Variants in SNX9 observed in about 807,000 individuals in gnomAD.
SNX9 encodes the protein sorting nexin-9.
Under a neutral mutation model 89.4 loss-of-function variants are expected in SNX9, and 44 were observed. The ratio of observed to expected loss-of-function variants is 0.49; its 90% CI spans 0.39 to 0.63. SNX9 has a LOEUF of 0.63. SNX9 is among the 30% of genes least tolerant of loss of function. The pLI, the probability that SNX9 is intolerant of heterozygous loss-of-function variation, is 0.00. For missense variants in SNX9, 578 were observed against 736.1 expected, an observed-to-expected ratio of 0.79 and a Z score of 2.49; for synonymous variants, 236 against 247.8, an observed-to-expected ratio of 0.95 and a Z score of 0.45.
In SNX9 at chr6:157,943,184, A is replaced by G. The variant is rs1784078267; in HGVS notation, c.*346A>G. ...ATGTCTTATAAATTATAAGTCTTAT[A>G]TAATTTATAAGTCTCCCACAATCTT... is the stretch of plus-strand genomic sequence containing the variant. On this transcript the variant is annotated 3_prime_UTR_variant, in exon 18 of 18. Transcript: ENST00000392185. 4.0e-5 allele frequency: 7 copies of G among 176,744 alleles called. No homozygotes were observed. In the South Asian group the frequency reaches 1.3e-3, roughly 33 times the overall value. The allele number at this position is 176,744 out of a possible 1,614,324, so 10.9% of individuals were successfully genotyped here.
At chr6:157,844,600 G>GTTTTGTTTTTTTTTTTTTT (rs1781767520) in intron 1 of SNX9, among the ~76,000 whole-genome samples, 1 of 131,806 alleles carries the variant, frequency 7.6e-6, no homozygotes, top group African/African-American at 2.8e-5. Flanking sequence ...TTTTTTTTTT[G>GTTTTGTTTTTTTTTTTTTT]TTTTTTTTTT....
chr6:157,939,144 G>GAA (rs138711054), intron 16 of SNX9, among the ~76,000 whole-genome samples: 1 of 148,104 alleles, frequency 6.8e-6, no homozygotes, highest in East Asian at 2.0e-4. Flanking sequence ...TTTGTGTCAA[G>GAA]AAAAAAAAAA....
intron 1 of SNX9, among the ~76,000 whole-genome samples, chr6:157,834,416 A>G (rs1376098770): frequency 1.3e-5 from 2 of 150,418 alleles, no homozygotes; most frequent in African/African-American, 4.9e-5. Flanking sequence ...GCATGATAAT[A>G]ACTCACTGCA....
intron 4 of SNX9, among the ~76,000 whole-genome samples, chr6:157,894,078 C>T (rs1264113171): frequency 1.5e-5 from 2 of 137,016 alleles, no homozygotes; most frequent in Non-Finnish European, 3.2e-5. Flanking sequence ...ATCCCTGTAT[C>T]ATTTCTTTTT....
chr6:157,914,697 C>T (rs1247790223), intron 9 of SNX9, among the ~76,000 whole-genome samples: 3 of 151,916 alleles, frequency 2.0e-5, no homozygotes, highest in East Asian at 1.9e-4. Context: ...AGGCTGGTCT[C>T]GAAGTCCTGA....
At chr6:157,862,916 TA>T (rs1782173562) in intron 1 of SNX9, among the ~76,000 whole-genome samples, 1 of 152,246 alleles carries the variant, frequency 6.6e-6, no homozygotes, top group Non-Finnish European at 1.5e-5. Context: ...ACTGACAGTT[TA>T]ATAAGCTCAT....
Position 157,901,900 on chromosome 6 carries a change from A to G in SNX9, c.475A>G (p.Thr159Ala). 6.2e-7 allele frequency: 1 copy of G among 1,600,932 alleles called. No individual in the cohort carries two copies. The highest frequency in any genetic ancestry group is 2.3e-5 in the East Asian group (1 of 44,436). The change falls in exon 6 of 18, where the codon ACT becomes GCT. Residue 159 changes from threonine (T) to alanine (A), a missense_variant and splice_region_variant. By Grantham distance (58) the Thr-to-Ala change is moderately conservative. Transcript: ENST00000392185. ...GHPQAYQGPATGDDDDWDEDW... is the reference protein window; with the variant it reads ...GHPQAYQGPAAGDDDDWDEDW... ...TGATCTTCCATTTTCACCTCTAGCA[A>G]CTGGTGATGATGATGACTGGGATGA...
rs748110242 is a variant in SNX9 at position 157,932,196 on chromosome 6, A to G, written c.1290A>G (p.Pro430=). Residue 430 remains proline (P), a splice_region_variant and synonymous_variant, in exon 13 of 18, where the codon CCA becomes CCG. Transcript: ENST00000392185. ...CGTTTATTCCTTTTTGTCTTTCAGC[A>G]TTACCCAAGGAATATCAGAAGATAG... ...GQEHWKRCTG[P]LPKEYQKIGK... is the part of the protein sequence containing the mutation. 1.4e-5 allele frequency: 23 copies of G among 1,613,970 alleles called. No homozygotes were observed. In the African/African-American group the frequency reaches 2.0e-4, roughly 14 times the overall value.
chr6:157,931,378 C>G (rs570862016), intron 12 of SNX9, among the ~76,000 whole-genome samples: 2 of 152,198 alleles, frequency 1.3e-5, no homozygotes, highest in Non-Finnish European at 2.9e-5. Flanking sequence ...TAAAAGTTTT[C>G]TTTTTCTCCT....
In SNX9 at chr6:157,932,254, A is replaced by G. The variant is rs753140572; in HGVS notation, c.1348A>G (p.Ser450Gly). Residue 450 changes from serine (S) to glycine (G), a missense_variant, in exon 13 of 18, where the codon AGT (serine) becomes GGT (glycine). Transcript: ENST00000392185. ...KALQSLATVF[S>G]SSGYQGETDL... Reference sequence around the variant, plus strand: ...CTTGCAGAGTTTGGCCACAGTGTTCAGTTCCAGTGGCTATCAAGGTGCGTC... The same window carrying G: ...CTTGCAGAGTTTGGCCACAGTGTTCGGTTCCAGTGGCTATCAAGGTGCGTC... 2 of 1,614,082 alleles carry G rather than the reference A, an allele frequency of 1.2e-6. No individual in the cohort carries two copies. Among genetic ancestry groups the G allele is most frequent in the Non-Finnish European group, 1.7e-6 (2 of 1,180,036 alleles).
At chr6:157,912,181 A>G (rs777166053) in intron 9 of SNX9, among the ~76,000 whole-genome samples, 12 of 152,216 alleles carry the variant, frequency 7.9e-5, no homozygotes, top group African/African-American at 2.9e-4. Flanking sequence ...TGAAAACTTC[A>G]GTTCTGCCAT....
At chr6:157,912,108 C>T (rs904715856) in intron 9 of SNX9, among the ~76,000 whole-genome samples, 5 of 152,166 alleles carry the variant, frequency 3.3e-5, no homozygotes, top group African/African-American at 1.2e-4. Flanking sequence ...CCTGTACCTC[C>T]TTTTTGTCAT....
At position 157,867,596 on chromosome 6, in the gene SNX9, C is replaced by G; in HGVS notation, c.62C>G (p.Thr21Arg). The G allele has an allele frequency of 6.2e-7, 1 of 1,612,092 alleles. No individual in the cohort carries two copies. Among genetic ancestry groups the G allele is most frequent in the Non-Finnish European group, 8.5e-7 (1 of 1,178,690 alleles). ...FAAEPGNNELTVNEGEIITIT... is the reference protein window; with the variant it reads ...FAAEPGNNELRVNEGEIITIT... ...GCTGAACCTGGAAATAATGAACTGACGGTTAATGAAGGAGAAATCATCACA... is the reference window on the plus strand; with the variant it reads ...GCTGAACCTGGAAATAATGAACTGAGGGTTAATGAAGGAGAAATCATCACA... The change falls in exon 2 of 18, where the codon ACG (threonine) becomes AGG (arginine). Residue 21 changes from threonine to arginine, a missense_variant. Thr to Arg is a moderately conservative substitution (Grantham distance 71). Transcript: ENST00000392185.
At chr6:157,857,237 C>T (rs1281248338) in intron 1 of SNX9, among the ~76,000 whole-genome samples, 1 of 152,136 alleles carries the variant, frequency 6.6e-6, no homozygotes, top group Non-Finnish European at 1.5e-5. Flanking sequence ...CAGGTTGGTA[C>T]CTGTGTCTTT....
At chr6:157,854,103 G>T (rs1781965016) in intron 1 of SNX9, among the ~76,000 whole-genome samples, 1 of 152,244 alleles carries the variant, frequency 6.6e-6, no homozygotes, top group Admixed American at 6.5e-5. Context: ...GGGTGTGGGA[G>T]ATGGGTACTC....
chr6:157,849,067 C>T (rs1392993954), intron 1 of SNX9, among the ~76,000 whole-genome samples: 2 of 152,178 alleles, frequency 1.3e-5, no homozygotes, highest in African/African-American at 2.4e-5. Flanking sequence ...AGCTGTGATG[C>T]ACCACTGCAC....
At chr6:157,932,463 T>C (rs1783831146) in intron 13 of SNX9, among the ~76,000 whole-genome samples, 191 bp downstream of exon 13, 1 of 152,204 alleles carries the variant, frequency 6.6e-6, no homozygotes, top group African/African-American at 2.4e-5. Context: ...CCAAAGGTGG[T>C]TATAATTTGT....
At chr6:157,888,719 CT>C (rs1583218449) in intron 4 of SNX9, among the ~76,000 whole-genome samples, 2 of 152,236 alleles carry the variant, frequency 1.3e-5, no homozygotes, top group South Asian at 4.2e-4. Context: ...TAAAAGTCAT[CT>C]TTTTTTCCCA....
intron 4 of SNX9, among the ~76,000 whole-genome samples, chr6:157,896,427 A>T (rs1344100722): frequency 1.3e-5 from 2 of 152,244 alleles, no homozygotes; most frequent in Non-Finnish European, 2.9e-5. Context: ...GGTCAATTTT[A>T]AAAATATAAA....
Sources: gnomAD v4.1 joint callset for allele counts (sites outside exome capture counted in the v4.1 genomes callset) on GRCh38, gnomAD v4.1.1 for gene constraint, MANE v1.5 for transcripts, NCBI Gene and HGNC (gene_info 2026-07-23, HGNC 2026-07-21) for gene names.